Variants in MFAP3L observed in about 807,000 individuals in gnomAD.
The protein encoded by MFAP3L is microfibrillar-associated protein 3-like.
In MFAP3L, 5 loss-of-function variants were observed where a neutral mutation model predicts 20.0. The ratio of observed to expected loss-of-function variants is 0.25; its 90% CI spans 0.13 to 0.53. The LOEUF (loss-of-function observed/expected upper bound fraction) is 0.53, where lower values mean the gene tolerates loss of function less well. Ranked by LOEUF, MFAP3L falls within the 20% of genes least tolerant of loss-of-function variation. The pLI, the probability that MFAP3L is intolerant of heterozygous loss-of-function variation, is 0.96. For missense variants in MFAP3L, 409 were observed against 527.5 expected (o/e 0.78, Z 2.20); for synonymous variants, 219 against 213.0 (o/e 1.03, Z -0.25).
chr4:169,996,631 C>T (rs912978905), intron 2 of MFAP3L, among the ~76,000 whole-genome samples: 5 of 152,092 alleles, frequency 3.3e-5, no homozygotes, highest in African/African-American at 1.2e-4. Flanking sequence ...ACAGGGAGCA[C>T]ATGAGCACAA....
chr4:169,992,272 G>C lies in MFAP3L; in HGVS notation c.336C>G (p.Ile112Met). ...WQMHDSGLLN[I>M]TKVSFSDRGK... ...CTCGGTCTGAGAAGGATACCTTGGT[G>C]ATGTTCAGGAGGCCGCTGTCGTGCA... The change falls in exon 3 of 3, where the codon ATC (isoleucine) becomes ATG (methionine). Residue 112 changes from isoleucine (I) to methionine (M), a missense_variant. Ile to Met is a conservative substitution (Grantham distance 10, BLOSUM62 1). Around this residue, in one of 3 missense-constraint regions of MFAP3L, gnomAD observed 127 missense variants for 218.1 expected, o/e 0.58. Transcript: ENST00000361618. The surrounding 1 kb of genome is among the most constrained non-coding windows in gnomAD (Gnocchi z 4.3). 6.2e-7 allele frequency: 1 copy of C among 1,613,214 alleles called. No homozygotes were observed. The highest frequency in any genetic ancestry group is 8.5e-7 in the Non-Finnish European group (1 of 1,179,438).
upstream of MFAP3L, chr4:170,027,107 C>A (rs1054064960): frequency 2.0e-5 from 3 of 151,562 alleles, no homozygotes; most frequent in Non-Finnish European, 4.4e-5. Context: ...TTCTAATGAA[C>A]CATAAGTTGA....
intron 2 of MFAP3L, among the ~76,000 whole-genome samples, chr4:169,995,735 A>G (rs1738104635): frequency 6.6e-6 from 1 of 152,218 alleles, no homozygotes; most frequent in South Asian, 2.1e-4. Context: ...AAGTGGGGAT[A>G]CACAGTGCAG....
In MFAP3L at chr4:169,989,546, A is replaced by T. The variant is rs1737510832; in HGVS notation, c.*1832T>A. 6.6e-6 allele frequency: 1 copy of T among 152,208 alleles called. No individual in the cohort carries two copies. Among genetic ancestry groups the T allele is most frequent in the African/African-American group, 2.4e-5 (1 of 41,452 alleles). 9.4% of individuals were successfully genotyped at this position (152,208 alleles called of 1,614,324 possible). On this transcript the variant is annotated 3_prime_UTR_variant, in exon 3 of 3. Transcript: ENST00000361618. ...CTTTCTGTGAACTATAAATGTTTCAACTAGAAGGGATCCTGTAGACCCTCG... is the reference window on the plus strand; with the variant it reads ...CTTTCTGTGAACTATAAATGTTTCATCTAGAAGGGATCCTGTAGACCCTCG...
chr4:170,009,382 CAA>C (rs1443046929), intron 1 of MFAP3L, among the ~76,000 whole-genome samples: 18 of 60,846 alleles, frequency 3.0e-4, no homozygotes, highest in Admixed American at 4.0e-4. Flanking sequence ...GACGCTGTCT[CAA>C]AAAAAAAAAA....
chr4:170,023,269 C>T (rs1242581162), intron 1 of MFAP3L, among the ~76,000 whole-genome samples: 1 of 151,002 alleles, frequency 6.6e-6, no homozygotes, highest in African/African-American at 2.5e-5. Context: ...ATCTCCCTGA[C>T]TCGACTGTGA....
At position 170,026,228 on chromosome 4, in the gene MFAP3L, G is replaced by T. The variant is rs1232283003; in HGVS notation, c.-134+6C>A. ...CCGCCCCGGCCCGCCGGGGGCCCCC[G>T]CTAACCTGACACCGCCGCGCCACTC... On this transcript the variant is annotated splice_donor_region_variant and intron_variant, in intron 1 of 2. Transcript: ENST00000361618. The T allele has an allele frequency of 3.0e-6, 3 of 984,432 alleles. No individual in the cohort carries two copies. Among genetic ancestry groups the T allele is most frequent in the Non-Finnish European group, 3.6e-6 (3 of 829,618 alleles). The allele number at this position is 984,432 out of a possible 1,614,324, so 61.0% of individuals were successfully genotyped here. A position where few individuals can be genotyped will look rare whatever the true frequency, so the allele number is the denominator to read the frequency against.
rs77924825 is a variant in MFAP3L, at chr4:170,002,384, T to C, written c.298+3196A>G. Among the ~76,000 whole-genome samples the C allele has an allele frequency of 9.2e-3, 1,400 of 152,302 alleles. 24 individuals carry two copies. Among genetic ancestry groups the C allele is most frequent in the African/African-American group, 0.032 (1,341 of 41,558 alleles). On this transcript the variant is annotated intron_variant, in intron 2 of 2. Coordinates refer to ENST00000361618, the MANE Select transcript of MFAP3L (RefSeq NM_021647.8). ...CTTATTATAAGGATTAGAAATAATA[T>C]ATGTCACTTGGTGCAGCGACTTAGT...
At chr4:170,005,540 T>A in intron 2 of MFAP3L, 40 bp downstream of exon 2, 1 of 1,591,352 alleles carries the variant, frequency 6.3e-7, no homozygotes, top group Non-Finnish European at 8.6e-7. Context: ...AGCTCCTGTT[T>A]ATATTTTATT....
Position 169,988,326 on chromosome 4 carries a change from C to T in MFAP3L, c.*3052G>A, listed in dbSNP as rs1166812400. 6.6e-6 allele frequency: 1 copy of T among 152,120 alleles called. No homozygotes were observed. The highest frequency in any genetic ancestry group is 2.4e-5 in the African/African-American group (1 of 41,436). The allele number at this position is 152,120 out of a possible 1,614,324, so 9.4% of individuals were successfully genotyped here. On this transcript the variant is annotated 3_prime_UTR_variant, in exon 3 of 3. Coordinates refer to ENST00000361618, the MANE Select transcript of MFAP3L (RefSeq NM_021647.8). ...TTTCCCCATTTAGAATAAATACCAT[C>T]CAAGTTTACAGATCATCTAAGTGAA...
At position 169,991,317 on chromosome 4, in the gene MFAP3L, A is replaced by G; in HGVS notation, c.*61T>C. Reference sequence around the variant, plus strand: ...AGGCTTAGCGGCAAGTGCGTACTACATCTGTATTACAAGGAGCAGCCCCTG... The same window carrying G: ...AGGCTTAGCGGCAAGTGCGTACTACGTCTGTATTACAAGGAGCAGCCCCTG... On this transcript the variant is annotated 3_prime_UTR_variant, in exon 3 of 3. Coordinates refer to ENST00000361618, the MANE Select transcript of MFAP3L (RefSeq NM_021647.8). The surrounding 1 kb of genome is among the most constrained non-coding windows in gnomAD (Gnocchi z 4.9). 1 of 1,526,780 alleles carries G rather than the reference A, an allele frequency of 6.5e-7. No individual in the cohort carries two copies. Among genetic ancestry groups the G allele is most frequent in the South Asian group, 1.2e-5 (1 of 80,224 alleles). The allele number at this position is 1,526,780 out of a possible 1,614,324, so 94.6% of individuals were successfully genotyped here.
intron 1 of MFAP3L, among the ~76,000 whole-genome samples, chr4:170,010,538 A>C (rs1468163110): frequency 6.6e-6 from 1 of 152,116 alleles, no homozygotes; most frequent in Non-Finnish European, 1.5e-5. Flanking sequence ...CAGTCTACTC[A>C]ACTTGAAGAT....
intron 2 of MFAP3L, among the ~76,000 whole-genome samples, chr4:169,995,339 A>G (rs1738065324): frequency 6.6e-6 from 1 of 152,052 alleles, no homozygotes; most frequent in Non-Finnish European, 1.5e-5. Flanking sequence ...CCTTTTTTGT[A>G]AAGGCCAGTA....
At chr4:170,007,567 C>A (rs1228244042) in intron 1 of MFAP3L, among the ~76,000 whole-genome samples, 1 of 152,200 alleles carries the variant, frequency 6.6e-6, no homozygotes, top group Non-Finnish European at 1.5e-5. Flanking sequence ...GAATTATTAG[C>A]ACAATGTATA....
At chr4:169,995,264 C>T (rs1738055112) in intron 2 of MFAP3L, 1 of 152,168 alleles carries the variant, frequency 6.6e-6, no homozygotes, top group African/African-American at 2.4e-5. Flanking sequence ...AGTTCTAAGA[C>T]TATCATAGAA....
At chr4:170,024,539 C>T (rs1740234685) in intron 1 of MFAP3L, among the ~76,000 whole-genome samples, 1 of 152,136 alleles carries the variant, frequency 6.6e-6, no homozygotes, top group Non-Finnish European at 1.5e-5. Flanking sequence ...AAAAGAGAAG[C>T]ACAATTATTC....
intron 1 of MFAP3L, among the ~76,000 whole-genome samples, chr4:170,021,987 A>G (rs1480560712): frequency 6.6e-6 from 1 of 152,168 alleles, no homozygotes; most frequent in Admixed American, 6.5e-5. Context: ...GCCCATGTGA[A>G]ATCTCATCAT....
At chr4:169,997,309 G>C (rs372573727) in intron 2 of MFAP3L, among the ~76,000 whole-genome samples, 1 of 152,034 alleles carries the variant, frequency 6.6e-6, no homozygotes, top group South Asian at 2.1e-4. Flanking sequence ...AAGCTGTAAA[G>C]GAAAACACCA....
chr4:170,026,026 C>A (rs541215634), intron 1 of MFAP3L, among the ~76,000 whole-genome samples: 2 of 152,220 alleles, frequency 1.3e-5, no homozygotes, highest in East Asian at 3.9e-4. Flanking sequence ...CAGCCCCCGC[C>A]CCGCACGGAT....
Sources: gnomAD v4.1 joint callset for allele counts (sites outside exome capture counted in the v4.1 genomes callset) on GRCh38, gnomAD v4.1.1 for gene constraint, gnomAD v4.1.1 regional missense constraint, Gnocchi (gnomAD v3.1) non-coding constraint, MANE v1.5 for transcripts, NCBI Gene and HGNC (gene_info 2026-07-23, HGNC 2026-07-21) for gene names.